Variants in LBR observed in about 807,000 individuals in gnomAD.
LBR encodes delta(14)-sterol reductase LBR.
Under a neutral mutation model 74.3 loss-of-function variants are expected in LBR, and 28 were observed. That is an observed-to-expected ratio of 0.38 (90% CI 0.28 to 0.52). The LOEUF is 0.52. LBR is among the 20% of genes least tolerant of loss of function. The pLI, the probability that LBR is intolerant of heterozygous loss-of-function variation, is 0.89. For synonymous variants in LBR, 228 were observed against 269.3 expected (o/e 0.85, Z 1.50); for missense variants, 717 against 760.3 (o/e 0.94, Z 0.67).
upstream of LBR, among the ~76,000 whole-genome samples, chr1:225,428,548 TC>T: frequency 6.6e-6 from 1 of 152,228 alleles, no homozygotes; most frequent in South Asian, 2.1e-4. Flanking sequence ...CGTGTTAAAA[TC>T]CCACAGAAGC....
chr1:225,424,895 G>A (rs1287838834), intron 1 of LBR, among the ~76,000 whole-genome samples: 3 of 152,154 alleles, frequency 2.0e-5, no homozygotes, highest in Non-Finnish European at 4.4e-5. Context: ...CCAGCTGCCA[G>A]ACAGTAATGC....
upstream of LBR, chr1:225,428,656 C>CGG (rs2096146161): frequency 6.6e-6 from 1 of 152,186 alleles, no homozygotes. Flanking sequence ...GATGCTGGGA[C>CGG]CGGCGGCGGG....
rs1172642757 is a variant in LBR, at chr1:225,423,849, C to T, written c.165+62G>A. 6.1e-6 allele frequency: 9 copies of T among 1,486,194 alleles called. No individual in the cohort carries two copies. The East Asian group carries it at 2.0e-4, about 34-fold the overall frequency. The allele number at this position is 1,486,194 out of a possible 1,614,324, so 92.1% of individuals were successfully genotyped here. ...AACTGACTATCCTGAGCTTAGAAAC[C>T]ATACTTAGAGTTATTTCCCACTTAC... On this transcript the variant is annotated intron_variant, in intron 2 of 13. Transcript: ENST00000272163.
At position 225,404,625 on chromosome 1, in the gene LBR, C is replaced by G; in HGVS notation, c.1564+1G>C. The G allele has an allele frequency of 6.2e-7, 1 of 1,606,072 alleles. No individual in the cohort carries two copies. On this transcript the variant is annotated splice_donor_variant, in intron 12 of 13. Coordinates refer to ENST00000272163, the MANE Select transcript of LBR (RefSeq NM_002296.4). LOFTEE classifies it high-confidence loss of function. ...TAATATAAACATAAATCAATACTTA[C>G]GTGCAAGCTTTGGATCACTGGGATT...
chr1:225,423,090 C>T (rs2096131067), intron 2 of LBR, among the ~76,000 whole-genome samples: 1 of 152,140 alleles, frequency 6.6e-6, no homozygotes, highest in Non-Finnish European at 1.5e-5. Flanking sequence ...ATGCTCGTTA[C>T]TAATCTGTGC....
At chr1:225,418,373 TA>T (rs1461754008) in intron 5 of LBR, among the ~76,000 whole-genome samples, 193 bp from the exon 6 acceptor site, 1 of 148,632 alleles carries the variant, frequency 6.7e-6, no homozygotes, top group Non-Finnish European at 1.5e-5. Context: ...ATCAAAGTAG[TA>T]AAAAAAATAA....
At position 225,406,096 on chromosome 1, in the gene LBR, T is replaced by G. The variant is rs149934498; in HGVS notation, c.1483+568A>C. Among the ~76,000 whole-genome samples, 789 of 152,314 alleles carry G rather than the reference T, an allele frequency of 5.2e-3. 6 individuals carry two copies. Among genetic ancestry groups the G allele is most frequent in the African/African-American group, 0.017 (727 of 41,568 alleles). On this transcript the variant is annotated intron_variant, in intron 11 of 13. Transcript: ENST00000272163. The stretch of plus-strand genomic sequence containing the variant: ...ACACTTCCCCACCACACACCCTTGC[T>G]GAGCTGTTCCCAGTGCCTGACTTTT...
In LBR at chr1:225,416,213, A is replaced by AAG. The variant is rs900533691; in HGVS notation, c.838-883_838-882dup. The stretch of plus-strand genomic sequence containing the variant: ...CCCTGTCTCAAGAAAAAAAAAAAAA[A>AAG]AGAGAGAGAGAGAGAGAGACTGTGA... On this transcript the variant is annotated intron_variant, in intron 6 of 13. Coordinates refer to ENST00000272163, the MANE Select transcript of LBR (RefSeq NM_002296.4). Among the ~76,000 whole-genome samples the AAG allele has an allele frequency of 2.5e-3, 345 of 137,840 alleles. 2 individuals carry two copies. Among genetic ancestry groups the AAG allele is most frequent in the African/African-American group, 6.8e-3 (261 of 38,130 alleles). The allele number at this position is 137,840 out of a possible 152,430, so 90.4% of individuals were successfully genotyped here. A position where few individuals can be genotyped will look rare whatever the true frequency, so the allele number is the denominator to read the frequency against.
At chr1:225,411,280 C>T in intron 9 of LBR, 57 bp downstream of exon 9, 2 of 1,217,932 alleles carry the variant, frequency 1.6e-6, no homozygotes, top group South Asian at 2.4e-5. Context: ...ACATTTCTTT[C>T]TAGCAGTTAA....
chr1:225,413,934 A>G (rs1056160717), intron 7 of LBR: 1 of 456,792 alleles, frequency 2.2e-6, no homozygotes, highest in African/African-American at 2.0e-5. Flanking sequence ...AAGTGAAAAT[A>G]TAACACAAGA....
intron 8 of LBR, 84 bp from the exon 9 acceptor site, chr1:225,411,524 G>T: frequency 1.0e-6 from 1 of 976,116 alleles, no homozygotes; most frequent in Non-Finnish European, 1.7e-6. Flanking sequence ...CACTATCCAG[G>T]CTCACAATTC....
intron 10 of LBR, among the ~76,000 whole-genome samples, chr1:225,408,464 T>C (rs1262888493): frequency 6.6e-6 from 1 of 152,180 alleles, no homozygotes; most frequent in Admixed American, 6.5e-5. Flanking sequence ...GGGAGGACCT[T>C]AGCCCCACCA....
chr1:225,424,655 C>G (rs2096135740), intron 1 of LBR, among the ~76,000 whole-genome samples: 1 of 152,158 alleles, frequency 6.6e-6, no homozygotes, highest in African/African-American at 2.4e-5. Context: ...TACCAAGTAA[C>G]TCTGCCAACC....
At chr1:225,415,722 A>G (rs902601272) in intron 6 of LBR, among the ~76,000 whole-genome samples, 1 of 152,162 alleles carries the variant, frequency 6.6e-6, no homozygotes, top group Non-Finnish European at 1.5e-5. Flanking sequence ...AAGTAACAGT[A>G]TGATTCCATT....
At chr1:225,418,810 C>G (rs2096122218) in intron 5 of LBR, among the ~76,000 whole-genome samples, 1 of 152,186 alleles carries the variant, frequency 6.6e-6, no homozygotes, top group African/African-American at 2.4e-5. Flanking sequence ...ATCTTTGACC[C>G]TCACAATCAA....
In LBR at chr1:225,417,990, A is replaced by C. The variant is rs1324743572; in HGVS notation, c.831T>G (p.Ile277Met). The change falls in exon 6 of 14, where the codon ATT becomes ATG. Residue 277 changes from isoleucine (I) to methionine (M), a missense_variant. Physicochemically the swap from Ile to Met is conservative, Grantham distance 10. Coordinates refer to ENST00000272163, the MANE Select transcript of LBR (RefSeq NM_002296.4). ...LIQVLFYLLP[I>M]GKVVEGTPLI... ...AGAATTACCATAAACGTACCTTTCCAATTGGCAGTAGGTAGAACAGGACTT... is the reference window on the plus strand; with the variant it reads ...AGAATTACCATAAACGTACCTTTCCCATTGGCAGTAGGTAGAACAGGACTT... The C allele has an allele frequency of 6.2e-7, 1 of 1,613,940 alleles. No homozygotes were observed. The highest frequency in any genetic ancestry group is 8.5e-7 in the Non-Finnish European group (1 of 1,179,796).
intron 3 of LBR, among the ~76,000 whole-genome samples, chr1:225,421,072 T>G (rs575109648): frequency 6.6e-6 from 1 of 152,284 alleles, no homozygotes; most frequent in Non-Finnish European, 1.5e-5. Flanking sequence ...TTACCATATA[T>G]CCATACTATA....
rs537165028 is a variant in LBR, at chr1:225,413,854, C to T, written c.893-1209G>A. ...TCAAGCAACTTGGCCAGCCACTCCC[C>T]CACTGGCTCCAAGAGCTCCATGTCC... On this transcript the variant is annotated intron_variant, in intron 7 of 13. Coordinates refer to ENST00000272163, the MANE Select transcript of LBR (RefSeq NM_002296.4). 11 of 416,392 alleles carry T rather than the reference C, an allele frequency of 2.6e-5. No homozygotes were observed. In the East Asian group the frequency reaches 5.8e-4, roughly 22 times the overall value. The allele number at this position is 416,392 out of a possible 1,614,324, so 25.8% of individuals were successfully genotyped here.
In LBR at chr1:225,404,679, G is replaced by C. The variant is rs752877544; in HGVS notation, c.1511C>G (p.Ala504Gly). Reference sequence around the variant, plus strand: ...CCGGAATGCATTTTTCTGAGAATTTGCACCTCGGAAGATTACATAACCACA... The same window carrying C: ...CCGGAATGCATTTTTCTGAGAATTTCCACCTCGGAAGATTACATAACCACA... ...KLCGYVIFRG[A>G]NSQKNAFRKN... The change falls in exon 12 of 14, where the codon GCA becomes GGA. Residue 504 changes from alanine (A) to glycine (G), a missense_variant. Transcript: ENST00000272163. The C allele has an allele frequency of 6.2e-7, 1 of 1,611,126 alleles. No homozygotes were observed. The highest frequency in any genetic ancestry group is 8.5e-7 in the Non-Finnish European group (1 of 1,178,908).
Sources: allele counts gnomAD v4.1 joint callset (sites outside exome capture counted in the v4.1 genomes callset), GRCh38; gene constraint gnomAD v4.1.1; transcripts MANE v1.5; gene names NCBI Gene and HGNC (gene_info 2026-07-23, HGNC 2026-07-21).